ESCO1: variants seen among roughly 807,000 people sequenced by gnomAD.
ESCO1 encodes the protein N-acetyltransferase ESCO1.
ESCO1 carries 33 observed loss-of-function variants against 83.5 expected under a neutral mutation model. That is an observed-to-expected ratio of 0.40 (90% CI 0.30 to 0.53). The LOEUF (loss-of-function observed/expected upper bound fraction) is 0.53, where lower values mean the gene tolerates loss of function less well. ESCO1 is among the 20% of genes least tolerant of loss of function. ESCO1 has a pLI of 0.63. For missense variants in ESCO1, 855 were observed against 968.0 expected, an observed-to-expected ratio of 0.88 and a Z score of 1.55; for synonymous variants, 332 against 324.3, an observed-to-expected ratio of 1.02 and a Z score of -0.25.
chr18:21,536,020 A>C (rs1179390376), intron 10 of ESCO1, 22 bp downstream of exon 10: 1 of 1,609,316 alleles, frequency 6.2e-7, no homozygotes, highest in African/African-American at 1.3e-5. Context: ...AAATTACTTA[A>C]GAACACTCTT....
intron 8 of ESCO1, 122 bp downstream of exon 8, chr18:21,560,737 T>C: frequency 1.7e-6 from 2 of 1,204,850 alleles, no homozygotes; most frequent in South Asian, 1.5e-5. Flanking sequence ...ACGTGCTTTG[T>C]ACATATTATT....
rs376749909 is a variant in ESCO1, at chr18:21,573,544, T to A, written c.1300A>T (p.Thr434Ser). 10 of 1,613,940 alleles carry A rather than the reference T, an allele frequency of 6.2e-6. No individual in the cohort carries two copies. The highest frequency in any genetic ancestry group is 8.5e-6 in the Non-Finnish European group (10 of 1,180,006). ...PPALEMHHPV[T>S]QSTFLGTKLH... Reference sequence around the variant, plus strand: ...TTTGTCCCTAAAAACGTACTTTGAGTCACTGGATGATGCATTTCTAAAGCT... The same window carrying A: ...TTTGTCCCTAAAAACGTACTTTGAGACACTGGATGATGCATTTCTAAAGCT... Residue 434 changes from threonine (T) to serine (S), a missense_variant, in exon 4 of 12, where the codon ACT (threonine) becomes TCT (serine). Thr to Ser is a moderately conservative substitution (Grantham distance 58, BLOSUM62 1). Transcript: ENST00000269214.
intron 8 of ESCO1, among the ~76,000 whole-genome samples, chr18:21,543,762 G>GA (rs1178468699): frequency 1.3e-5 from 2 of 151,844 alleles, no homozygotes; most frequent in Admixed American, 6.6e-5. Flanking sequence ...TATTACAAGG[G>GA]AAAAAAACAG....
chr18:21,572,859 G>A (rs2038358721), intron 4 of ESCO1, among the ~76,000 whole-genome samples: 1 of 151,956 alleles, frequency 6.6e-6, no homozygotes. Context: ...AGCTACTCGG[G>A]AGGCTGAGGC....
intron 4 of ESCO1, among the ~76,000 whole-genome samples, chr18:21,569,196 A>G (rs1319227933): frequency 1.3e-5 from 2 of 152,198 alleles, no homozygotes; most frequent in African/African-American, 4.8e-5. Context: ...TGTCTGACTT[A>G]CCTATAAAGC....
At chr18:21,576,358 CCAGG>C (rs751110694) in intron 2 of ESCO1, among the ~76,000 whole-genome samples, 19 of 152,046 alleles carry the variant, frequency 1.2e-4, no homozygotes, top group South Asian at 4.1e-4. Context: ...TAAAAATTAG[CCAGG>C]CATTGTGGCA....
chr18:21,538,987 A>G (rs2037870949), intron 9 of ESCO1, among the ~76,000 whole-genome samples: 2 of 151,978 alleles, frequency 1.3e-5, no homozygotes, highest in Non-Finnish European at 2.9e-5. Context: ...AGGATTCATT[A>G]TCTGGTTCAC....
Position 21,575,408 on chromosome 18 carries a change from G to A in ESCO1, c.-565C>T, listed in dbSNP as rs1442889831. 2.5e-6 allele frequency: 1 copy of A among 397,984 alleles called. No homozygotes were observed. The highest frequency in any genetic ancestry group is 4.4e-6 in the Non-Finnish European group (1 of 225,784). The allele number at this position is 397,984 out of a possible 1,614,324, so 24.7% of individuals were successfully genotyped here. A position where few individuals can be genotyped will look rare whatever the true frequency, so the allele number is the denominator to read the frequency against. On this transcript the variant is annotated 5_prime_UTR_variant, in exon 4 of 12. Coordinates refer to ENST00000269214, the MANE Select transcript of ESCO1 (RefSeq NM_052911.3). ...TTCAACAAAATATTCTATTAATATA[G>A]ATTTCCTTTTGTGCTGCCGTTTCTG...
chr18:21,562,467 CAA>C (rs34722426), intron 7 of ESCO1, among the ~76,000 whole-genome samples: 2,138 of 138,512 alleles, frequency 0.015, 41 homozygotes, highest in African/African-American at 0.042. Context: ...CTCCGTCTTA[CAA>C]AAAAAAAAAA....
intron 8 of ESCO1, among the ~76,000 whole-genome samples, chr18:21,541,809 G>A (rs1042953051): frequency 2.0e-5 from 3 of 152,084 alleles, no homozygotes; most frequent in Non-Finnish European, 4.4e-5. Flanking sequence ...ACCTAAAAAT[G>A]TAAGTAACCT....
At chr18:21,554,510 T>C (rs763137790) in intron 8 of ESCO1, among the ~76,000 whole-genome samples, 14 of 152,180 alleles carry the variant, frequency 9.2e-5, no homozygotes, top group Non-Finnish European at 1.9e-4. Flanking sequence ...CTCATGCCTA[T>C]AATGCCAACA....
intron 8 of ESCO1, among the ~76,000 whole-genome samples, chr18:21,544,764 G>A (rs975329016): frequency 1.3e-5 from 2 of 152,200 alleles, no homozygotes; most frequent in Non-Finnish European, 2.9e-5. Flanking sequence ...CAGTACAAAG[G>A]GGTTCATTAC....
chr18:21,579,817 C>A (rs1433760949), intron 2 of ESCO1, among the ~76,000 whole-genome samples: 2 of 147,952 alleles, frequency 1.4e-5, no homozygotes, highest in South Asian at 2.1e-4. Context: ...CACACACACA[C>A]ACACACACAC....
chr18:21,556,905 C>T (rs572732106), intron 8 of ESCO1, among the ~76,000 whole-genome samples: 6 of 152,202 alleles, frequency 3.9e-5, no homozygotes, highest in South Asian at 2.1e-4. Context: ...TTCACCATGT[C>T]GGTCAGGTTA....
At chr18:21,589,078 C>T (rs1229369031) in intron 1 of ESCO1, among the ~76,000 whole-genome samples, 2 of 152,030 alleles carry the variant, frequency 1.3e-5, no homozygotes, top group Non-Finnish European at 2.9e-5. Flanking sequence ...CACATCTCTA[C>T]TAAAAATACA....
intron 2 of ESCO1, among the ~76,000 whole-genome samples, chr18:21,577,431 G>A (rs1369337632): frequency 3.3e-5 from 5 of 149,804 alleles, no homozygotes; most frequent in South Asian, 4.2e-4. Flanking sequence ...AGGCCGAGGC[G>A]GGCAGATTCA....
intron 2 of ESCO1, among the ~76,000 whole-genome samples, chr18:21,582,232 C>CTT (rs536091954): frequency 2.8e-5 from 4 of 143,242 alleles, no homozygotes; most frequent in East Asian, 2.0e-4. Flanking sequence ...TATGGGAAAT[C>CTT]TTTTTTTTTT....
chr18:21,591,256 G>A (rs906257168), intron 1 of ESCO1, among the ~76,000 whole-genome samples: 1 of 152,186 alleles, frequency 6.6e-6, no homozygotes, highest in Non-Finnish European at 1.5e-5. Context: ...AAAATAATAT[G>A]AAAATGATGG....
intron 8 of ESCO1, among the ~76,000 whole-genome samples, chr18:21,544,765 G>A (rs2037950683): frequency 6.6e-6 from 1 of 152,208 alleles, no homozygotes; most frequent in Non-Finnish European, 1.5e-5. Flanking sequence ...AGTACAAAGG[G>A]GTTCATTACT....
Sources: allele counts gnomAD v4.1 joint callset (sites outside exome capture counted in the v4.1 genomes callset), GRCh38; gene constraint gnomAD v4.1.1; transcripts MANE v1.5; gene names NCBI Gene and HGNC (gene_info 2026-07-23, HGNC 2026-07-21).